The following STAT4 variants were observed in gnomAD, a reference collection of about 807,000 sequenced individuals.
STAT4 encodes the protein signal transducer and activator of transcription 4.
STAT4 carries 42 observed loss-of-function variants against 110.5 expected under a neutral mutation model. That is an observed-to-expected ratio of 0.38 (90% CI 0.30 to 0.49). STAT4 has a LOEUF of 0.49. Among genes scored for constraint, STAT4 ranks in the 20% least tolerant of loss-of-function variants. STAT4 has a pLI of 0.95. For synonymous variants in STAT4, 284 were observed against 302.2 expected, an observed-to-expected ratio of 0.94 and a Z score of 0.63; for missense variants, 632 against 887.9, an observed-to-expected ratio of 0.71 and a Z score of 3.66.
chr2:191,039,118 C>A lies in STAT4; in HGVS notation c.1434+81G>T. On this transcript the variant is annotated intron_variant, in intron 16 of 23. Coordinates refer to ENST00000392320, the MANE Select transcript of STAT4 (RefSeq NM_003151.4). This position sits in a 1 kb window ranked among gnomAD's most constrained non-coding sequence, Gnocchi z 4.7. ...TCACCCCACACCCCACTGGCACACA[C>A]ATGTTTTGATGCAGATGTGTTTGTT... 7.9e-7 allele frequency: 1 copy of A among 1,273,294 alleles called. No individual in the cohort carries two copies. Among genetic ancestry groups the A allele is most frequent in the South Asian group, 1.2e-5 (1 of 83,170 alleles). The allele number at this position is 1,273,294 out of a possible 1,614,324, so 78.9% of individuals were successfully genotyped here. A position where few individuals can be genotyped will look rare whatever the true frequency, so the allele number is the denominator to read the frequency against.
In STAT4 at chr2:191,143,554, C is replaced by G. The variant is rs559362714; in HGVS notation, c.273+3059G>C. ...GTTTTGTTTTGTCCTTTATAGCAAG[C>G]CATTCCAAACTGTTATTGGAAGTAG... On this transcript the variant is annotated intron_variant, in intron 3 of 23. Transcript: ENST00000392320. This position sits in a 1 kb window ranked among gnomAD's most constrained non-coding sequence, Gnocchi z 5.6. Among the ~76,000 whole-genome samples, 2 of 152,210 alleles carry G rather than the reference C, an allele frequency of 1.3e-5. No homozygotes were observed. The highest frequency in any genetic ancestry group is 2.1e-4 in the South Asian group (1 of 4,804).
At chr2:191,036,405 G>T in intron 16 of STAT4, 106 bp from the exon 17 acceptor site, 2 of 1,168,276 alleles carry the variant, frequency 1.7e-6, no homozygotes, top group Non-Finnish European at 2.4e-6. Context: ...ACACATACTA[G>T]GAGTGTTGGG....
chr2:191,080,506 T>G (rs1697432877), intron 3 of STAT4, among the ~76,000 whole-genome samples: 1 of 152,306 alleles, frequency 6.6e-6, no homozygotes, highest in African/African-American at 2.4e-5. Flanking sequence ...TTTGTAAGTT[T>G]TGATGCTGGC....
chr2:191,054,762 T>G (rs1696629926), intron 13 of STAT4, among the ~76,000 whole-genome samples: 1 of 152,178 alleles, frequency 6.6e-6, no homozygotes, highest in African/African-American at 2.4e-5. Context: ...GGCATATCAC[T>G]AAGACTTTAG....
At chr2:191,129,638 T>C (rs1360541420) in intron 3 of STAT4, among the ~76,000 whole-genome samples, 1 of 152,226 alleles carries the variant, frequency 6.6e-6, no homozygotes, top group Non-Finnish European at 1.5e-5. Context: ...ATCTCCTTAC[T>C]TCTTTCTTGA....
chr2:191,125,614 A>C (rs1383470823), intron 3 of STAT4, among the ~76,000 whole-genome samples: 1 of 151,834 alleles, frequency 6.6e-6, no homozygotes, highest in Non-Finnish European at 1.5e-5. Context: ...CAGCCACCCA[A>C]GTAGGTAGTA....
Position 191,143,776 on chromosome 2 carries a change from A to G in STAT4, c.273+2837T>C, listed in dbSNP as rs963357760. ...TAAACCAGATAAGCACAGCGTCAACAGCCTTTTGATAGGGAATTTTTTTTT... is the reference window on the plus strand; with the variant it reads ...TAAACCAGATAAGCACAGCGTCAACGGCCTTTTGATAGGGAATTTTTTTTT... On this transcript the variant is annotated intron_variant, in intron 3 of 23. Coordinates refer to ENST00000392320, the MANE Select transcript of STAT4 (RefSeq NM_003151.4). The surrounding 1 kb of genome is among the most constrained non-coding windows in gnomAD (Gnocchi z 5.6). Among the ~76,000 whole-genome samples, 1 of 148,500 alleles carries G rather than the reference A, an allele frequency of 6.7e-6. No individual in the cohort carries two copies. The highest frequency in any genetic ancestry group is 2.6e-5 in the African/African-American group (1 of 38,774).
At chr2:191,125,742 C>T (rs550337666) in intron 3 of STAT4, among the ~76,000 whole-genome samples, 50 of 152,128 alleles carry the variant, frequency 3.3e-4, no homozygotes, top group African/African-American at 1.2e-3. Context: ...CCTCAGCCTC[C>T]CAAAGTGCTG....
chr2:191,054,360 G>T, intron 14 of STAT4, 130 bp downstream of exon 14: 1 of 745,048 alleles, frequency 1.3e-6, no homozygotes. Flanking sequence ...CAATTATCAA[G>T]CTTTACATCT....
chr2:191,136,755 A>G (rs561532389), intron 3 of STAT4, among the ~76,000 whole-genome samples: 52 of 152,312 alleles, frequency 3.4e-4, no homozygotes, highest in African/African-American at 1.2e-3. Context: ...ACTCTGTATC[A>G]AAAAAGAAAA....
rs1438262558 is a variant in STAT4 at position 191,104,062 on chromosome 2, A to G, written c.274-27737T>C. On this transcript the variant is annotated intron_variant, in intron 3 of 23. Transcript: ENST00000392320. The surrounding 1 kb of genome is among the most constrained non-coding windows in gnomAD (Gnocchi z 4.3). ...TCAAGGCCTTTGTGATAGCTTTTTG[A>G]TGTACAATACTGAAGAAATAACCAT... 6.6e-6 allele frequency among the ~76,000 whole-genome samples: 1 copy of G among 152,176 alleles called. No homozygotes were observed. Among genetic ancestry groups the G allele is most frequent in the Non-Finnish European group, 1.5e-5 (1 of 68,018 alleles).
At chr2:191,108,028 C>T (rs1344206860) in intron 3 of STAT4, among the ~76,000 whole-genome samples, 1 of 151,988 alleles carries the variant, frequency 6.6e-6, no homozygotes, top group African/African-American at 2.4e-5. Context: ...CGGGGGCTCA[C>T]GTCTGTAATC....
intron 8 of STAT4, among the ~76,000 whole-genome samples, chr2:191,063,308 A>T (rs193050444): frequency 2.6e-5 from 4 of 152,368 alleles, no homozygotes; most frequent in African/African-American, 9.6e-5. Context: ...CCATAAAAAA[A>T]TGCCATGATT....
At chr2:191,055,190 A>C (rs1696646632) in intron 13 of STAT4, among the ~76,000 whole-genome samples, 1 of 151,720 alleles carries the variant, frequency 6.6e-6, no homozygotes, top group Non-Finnish European at 1.5e-5. Context: ...ACAATTTTTA[A>C]AATTTTTCTT....
intron 13 of STAT4, among the ~76,000 whole-genome samples, chr2:191,057,299 C>T (rs1179764273): frequency 6.6e-6 from 1 of 152,190 alleles, no homozygotes; most frequent in Non-Finnish European, 1.5e-5. Context: ...TTTCATTTAA[C>T]ATAATGACCT....
At position 191,091,376 on chromosome 2, in the gene STAT4, A is replaced by G. The variant is rs1697792881; in HGVS notation, c.274-15051T>C. Among the ~76,000 whole-genome samples the G allele has an allele frequency of 2.6e-5, 4 of 151,746 alleles. No individual in the cohort carries two copies. The highest frequency in any genetic ancestry group is 2.1e-4 in the South Asian group (1 of 4,834). On this transcript the variant is annotated intron_variant, in intron 3 of 23. Coordinates refer to ENST00000392320, the MANE Select transcript of STAT4 (RefSeq NM_003151.4). This position sits in a 1 kb window ranked among gnomAD's most constrained non-coding sequence, Gnocchi z 5.4. The stretch of plus-strand genomic sequence containing the variant: ...CAGGAACGAATTTAACAAAGAAGAT[A>G]CAGGTCTTACATGAATTAAATTAAA...
chr2:191,048,785 T>C lies in STAT4; in HGVS notation c.1251+5705A>G, dbSNP rs1480617028. Among the ~76,000 whole-genome samples, 9 of 39,586 alleles carry C rather than the reference T, an allele frequency of 2.3e-4. No individual in the cohort carries two copies. The East Asian group carries it at 7.3e-3, about 32-fold the overall frequency. The allele number at this position is 39,586 out of a possible 152,430, so 26.0% of individuals were successfully genotyped here. A position where few individuals can be genotyped will look rare whatever the true frequency, so the allele number is the denominator to read the frequency against. On this transcript the variant is annotated intron_variant, in intron 14 of 23. Coordinates refer to ENST00000392320, the MANE Select transcript of STAT4 (RefSeq NM_003151.4). ...TGGGCAACAAGAGTGAGAAACTCCA[T>C]CTCAAAAAAAAAAAAAAAAAAAAAA...
At chr2:191,145,928 C>T (rs1487185944) in intron 3 of STAT4, among the ~76,000 whole-genome samples, 1 of 152,288 alleles carries the variant, frequency 6.6e-6, no homozygotes, top group Middle Eastern at 3.4e-3. Flanking sequence ...ACTTGATTTA[C>T]TCACCCCTTA....
chr2:191,055,640 A>T (rs936034315), intron 13 of STAT4, among the ~76,000 whole-genome samples: 2 of 152,190 alleles, frequency 1.3e-5, no homozygotes, highest in African/African-American at 4.8e-5. Flanking sequence ...GGCGTGAGCC[A>T]CCACGCCCAG....
Sources: allele counts gnomAD v4.1 joint callset (sites outside exome capture counted in the v4.1 genomes callset), GRCh38; gene constraint gnomAD v4.1.1; non-coding constraint Gnocchi (gnomAD v3.1); transcripts MANE v1.5; gene names NCBI Gene and HGNC (gene_info 2026-07-23, HGNC 2026-07-21).